The following RMDN1 variants were observed in gnomAD, a reference collection of about 807,000 sequenced individuals.
The protein encoded by RMDN1 is regulator of microtubule dynamics protein 1.
A neutral mutation model predicts 48.9 loss-of-function variants in RMDN1; 48 were observed. That is an observed-to-expected ratio of 0.98 (90% CI 0.78 to 1.25). The LOEUF is 1.25. Among genes scored for constraint, RMDN1 ranks in the 50% most tolerant of loss-of-function variants. The pLI, the probability that RMDN1 is intolerant of heterozygous loss-of-function variation, is 0.00. For synonymous variants in RMDN1, 148 were observed against 132.6 expected (o/e 1.12, Z -0.80); for missense variants, 418 against 373.4 (o/e 1.12, Z -0.98).
At chr8:86,512,114 C>T (rs1217637402), upstream of RMDN1, among the ~76,000 whole-genome samples, 2 of 152,118 alleles carry the variant, frequency 1.3e-5, no homozygotes, top group African/African-American at 4.8e-5. Flanking sequence ...TGAATAAATA[C>T]ATTGAATAGC....
rs1818620106 is a variant in RMDN1, at chr8:86,503,366, C to CAAACAAAAAAAAAA, written c.247+3628_247+3629insTTTTTTTTTTGTTT. Among the ~76,000 whole-genome samples, 10 of 70,476 alleles carry CAAACAAAAAAAAAA rather than the reference C, an allele frequency of 1.4e-4. No homozygotes were observed. The South Asian group carries it at 2.2e-3, about 16-fold the overall frequency. 46.2% of individuals were successfully genotyped at this position (70,476 alleles called of 152,430 possible). ...GACTCCGTCTCAAAACAAAACAAAA[C>CAAACAAAAAAAAAA]AAAACAAAAAAAAAAAAAAAAAACA... On this transcript the variant is annotated intron_variant, in intron 2 of 9. Coordinates refer to ENST00000406452, the MANE Select transcript of RMDN1 (RefSeq NM_016033.3).
chr8:86,482,478 G>A (rs1040575900), intron 5 of RMDN1: 50 of 591,948 alleles, frequency 8.4e-5, no homozygotes, highest in Non-Finnish European at 1.3e-4. Flanking sequence ...ATTAGAAAGT[G>A]TTATTCGTTT....
intron 2 of RMDN1, chr8:86,504,285 T>C (rs1818896137): frequency 3.8e-6 from 6 of 1,575,466 alleles, no homozygotes; most frequent in Admixed American, 3.3e-5. Flanking sequence ...GCACCCAGGA[T>C]GTATCCCAAG....
chr8:86,480,250 C>T (rs757719400), intron 6 of RMDN1, 27 bp downstream of exon 6: 9 of 1,248,588 alleles, frequency 7.2e-6, no homozygotes, highest in African/African-American at 6.0e-5. Context: ...CTAAATACTA[C>T]TGAAATATTT....
At chr8:86,503,983 G>T in intron 2 of RMDN1, 1 of 773,146 alleles carries the variant, frequency 1.3e-6, no homozygotes, top group Non-Finnish European at 2.4e-6. Context: ...ACTGTGCACA[G>T]GTTTTATGCC....
intron 3 of RMDN1, among the ~76,000 whole-genome samples, chr8:86,487,971 C>A (rs973100822): frequency 7.2e-6 from 1 of 138,650 alleles, no homozygotes; most frequent in African/African-American, 2.5e-5. Context: ...TCTAGAAATG[C>A]TATTTAGCCA....
intron 1 of RMDN1, 24 bp from the exon 2 acceptor site, chr8:86,507,136 G>GT (rs767175493): frequency 6.9e-7 from 1 of 1,452,820 alleles, no homozygotes. Context: ...TATGTTAAGA[G>GT]TTACAAACTT....
chr8:86,504,084 C>T, intron 2 of RMDN1: 1 of 976,270 alleles, frequency 1.0e-6, no homozygotes, highest in Non-Finnish European at 1.7e-6. Context: ...TTCTGGTGGC[C>T]CAGATCTTTG....
chr8:86,505,637 G>A (rs1393486608), intron 2 of RMDN1, among the ~76,000 whole-genome samples: 5 of 152,128 alleles, frequency 3.3e-5, no homozygotes, highest in Admixed American at 2.6e-4. Context: ...GTCCCATGAT[G>A]GAAATGTTTA....
chr8:86,486,457 G>A, intron 4 of RMDN1, 27 bp downstream of exon 4: 1 of 1,529,970 alleles, frequency 6.5e-7, no homozygotes, highest in Non-Finnish European at 8.9e-7. Flanking sequence ...CTCAGTACAT[G>A]GTTAATAGCT....
chr8:86,481,848 G>A lies in RMDN1; in HGVS notation c.586-1516C>T. ...TCCAGGAAACAGTGTGTTAGTTGGA[G>A]CAGTATTTTTTTTTAAAAACATCAA... On this transcript the variant is annotated intron_variant, in intron 5 of 9. Transcript: ENST00000406452. 5 of 849,920 alleles carry A rather than the reference G, an allele frequency of 5.9e-6. 1 individual carries two copies. The highest frequency in any genetic ancestry group is 8.6e-6 in the Non-Finnish European group (5 of 582,718). The allele number at this position is 849,920 out of a possible 1,614,324, so 52.6% of individuals were successfully genotyped here.
In RMDN1 at chr8:86,473,786, T is replaced by C. The variant is rs1379328098; in HGVS notation, c.*522A>G. ...GTCTCAAAAAAATAAAAAAGGAAAC[T>C]ACTCCATTTTTAGTCATCTCCTTAC... On this transcript the variant is annotated 3_prime_UTR_variant, in exon 10 of 10. Transcript: ENST00000406452. 1.0e-6 allele frequency: 1 copy of C among 973,574 alleles called. No individual in the cohort carries two copies. The highest frequency in any genetic ancestry group is 1.8e-5 in the African/African-American group (1 of 56,992). The allele number at this position is 973,574 out of a possible 1,614,324, so 60.3% of individuals were successfully genotyped here.
downstream of RMDN1, among the ~76,000 whole-genome samples, chr8:86,472,174 G>T (rs2130320142): frequency 6.6e-6 from 1 of 152,264 alleles, no homozygotes; most frequent in South Asian, 2.1e-4. Flanking sequence ...GTTTAGAAAT[G>T]TATGTGTCTA....
Position 86,507,106 on chromosome 8 carries a change from CCATTA to C in RMDN1, c.131_135del (p.Val44GlyfsTer21), listed in dbSNP as rs1819498130. 2 of 1,588,832 alleles carry C rather than the reference CCATTA, an allele frequency of 1.3e-6. No individual in the cohort carries two copies. The highest frequency in any genetic ancestry group is 2.7e-5 in the African/African-American group (2 of 74,414). On this transcript the variant is annotated frameshift_variant and splice_region_variant, in exon 2 of 10. Coordinates refer to ENST00000406452, the MANE Select transcript of RMDN1 (RefSeq NM_016033.3). LOFTEE classifies it high-confidence loss of function. ...CCTCTTTTGAAAGTTCCTGGGTTTC[CCATTA>C]CCTATGGAAACAATTATGTTAAGAG...
chr8:86,482,750 A>G, intron 5 of RMDN1: 1 of 954,124 alleles, frequency 1.0e-6, no homozygotes, highest in Non-Finnish European at 1.7e-6. Context: ...GTGGCGCCAT[A>G]ACCTGTGTGC....
intron 2 of RMDN1, among the ~76,000 whole-genome samples, chr8:86,496,727 A>G (rs911965736): frequency 2.0e-5 from 3 of 152,220 alleles, no homozygotes; most frequent in Non-Finnish European, 2.9e-5. Flanking sequence ...AGTGCTACAC[A>G]TATCATTAAG....
Position 86,488,629 on chromosome 8 carries a change from T to C in RMDN1, c.258A>G (p.Ile86Met). ...CATACAGGTAGTCTGCTTGTTCAAG[T>C]ATTTCTTCAACTTCAAAGATTATAA... ...VVHATAKVEE[I>M]LEQADYLYES... The change falls in exon 3 of 10, where the codon ATA (isoleucine) becomes ATG (methionine). Residue 86 changes from isoleucine (I) to methionine (M), a missense_variant. Coordinates refer to ENST00000406452, the MANE Select transcript of RMDN1 (RefSeq NM_016033.3). 1 of 1,607,126 alleles carries C rather than the reference T, an allele frequency of 6.2e-7. No individual in the cohort carries two copies. Among genetic ancestry groups the C allele is most frequent in the Non-Finnish European group, 8.5e-7 (1 of 1,176,408 alleles).
chr8:86,502,525 C>A (rs914436215), intron 2 of RMDN1, among the ~76,000 whole-genome samples: 5 of 152,208 alleles, frequency 3.3e-5, no homozygotes, highest in African/African-American at 7.2e-5. Flanking sequence ...GGATTACAGG[C>A]ATGAGCCGCC....
chr8:86,503,387 AAAC>A (rs746315188), intron 2 of RMDN1, among the ~76,000 whole-genome samples: 2,591 of 114,478 alleles, frequency 0.023, 84 homozygotes, highest in Non-Finnish European at 0.032. Context: ...AAAAAAAAAA[AAAC>A]AAAAAAAAAT....
Sources: allele counts gnomAD v4.1 joint callset (sites outside exome capture counted in the v4.1 genomes callset), GRCh38; gene constraint gnomAD v4.1.1; transcripts MANE v1.5; gene names NCBI Gene and HGNC (gene_info 2026-07-23, HGNC 2026-07-21).